Variants in CDH7 observed in about 807,000 individuals in gnomAD.
CDH7 encodes cadherin 7, also known as cadherin-7.
Under a neutral mutation model 71.8 loss-of-function variants are expected in CDH7, and 25 were observed. The observed-to-expected ratio is 0.35, with a 90% CI of 0.25 to 0.49. The LOEUF (loss-of-function observed/expected upper bound fraction) is 0.49, where lower values mean the gene tolerates loss of function less well. Among genes scored for constraint, CDH7 ranks in the 20% least tolerant of loss-of-function variants. The probability of loss-of-function intolerance (pLI) is 0.99; values close to 1 mark genes in which losing one functional copy is unlikely to be tolerated. For missense variants in CDH7, 862 were observed against 974.6 expected, an observed-to-expected ratio of 0.88 and a Z score of 1.54; for synonymous variants, 381 against 363.8, an observed-to-expected ratio of 1.05 and a Z score of -0.54.
Position 65,880,930 on chromosome 18 carries a change from A to G in CDH7, c.*36A>G. ...TTAATTCGAAATGTACTGAAGAAAAAGTAACAGCAAAAAATAAAATAAAAT... is the reference window on the plus strand; with the variant it reads ...TTAATTCGAAATGTACTGAAGAAAAGGTAACAGCAAAAAATAAAATAAAAT... On this transcript the variant is annotated 3_prime_UTR_variant, in exon 12 of 12. Coordinates refer to ENST00000397968, the MANE Select transcript of CDH7 (RefSeq NM_004361.5). 6.5e-7 allele frequency: 1 copy of G among 1,531,434 alleles called. No individual in the cohort carries two copies. The highest frequency in any genetic ancestry group is 8.8e-7 in the Non-Finnish European group (1 of 1,141,624). 94.9% of individuals were successfully genotyped at this position (1,531,434 alleles called of 1,614,324 possible).
At chr18:65,859,947 A>G (rs1037589371) in intron 10 of CDH7, 122 bp downstream of exon 10, 3 of 613,182 alleles carry the variant, frequency 4.9e-6, no homozygotes, top group African/African-American at 3.7e-5. Flanking sequence ...TTAAAGGGCA[A>G]TGAGCACCTC....
chr18:65,864,725 A>G (rs955937238), intron 11 of CDH7, among the ~76,000 whole-genome samples: 12 of 151,172 alleles, frequency 7.9e-5, no homozygotes, highest in Non-Finnish European at 1.5e-4. Flanking sequence ...TGTCTCTACT[A>G]AAAATACAAA....
chr18:65,791,424 A>G (rs1228768898), intron 2 of CDH7, among the ~76,000 whole-genome samples: 1 of 152,132 alleles, frequency 6.6e-6, no homozygotes, highest in Admixed American at 6.5e-5. Flanking sequence ...GTTTTACATT[A>G]TTTCACTGGA....
Position 65,809,985 on chromosome 18 carries a change from A to G in CDH7, c.492A>G (p.Glu164=), listed in dbSNP as rs1911473228. The change falls in exon 3 of 12, where the codon GAA becomes GAG. Residue 164 remains glutamate (E), a synonymous_variant. Coordinates refer to ENST00000397968, the MANE Select transcript of CDH7 (RefSeq NM_004361.5). ...GCCCATACACGGCAGGAGTTCCCGA[A>G]ATGTCTCCCGTGGGTAAGTAAAGAA... ...LDGPYTAGVP[E]MSPVGTSVVQ... 1.9e-6 allele frequency: 3 copies of G among 1,610,174 alleles called. No individual in the cohort carries two copies. In the East Asian group the frequency reaches 6.7e-5, roughly 36 times the overall value.
intron 2 of CDH7, among the ~76,000 whole-genome samples, chr18:65,784,111 C>CAATTT (rs2143841298): frequency 1.1e-5 from 1 of 91,816 alleles, no homozygotes; most frequent in Non-Finnish European, 2.2e-5. Flanking sequence ...CCACCCACAG[C>CAATTT]TATTTTTTTT....
chr18:65,751,887 G>C (rs1915891231), intron 1 of CDH7, among the ~76,000 whole-genome samples: 1 of 152,098 alleles, frequency 6.6e-6, no homozygotes, highest in African/African-American at 2.4e-5. Flanking sequence ...GAAAAGACCC[G>C]TTATTCTGTA....
rs116259956 is a variant in CDH7, at chr18:65,873,009, G to T, written c.1865-7392G>T. Reference sequence around the variant, plus strand: ...AAAAAATTACTAAAACTTAATTAGTGCCCAGTAGAAAAAGAAGACAGATTT... The same window carrying T: ...AAAAAATTACTAAAACTTAATTAGTTCCCAGTAGAAAAAGAAGACAGATTT... On this transcript the variant is annotated intron_variant, in intron 11 of 11. Transcript: ENST00000397968. Among the ~76,000 whole-genome samples the T allele has an allele frequency of 4.4e-3, 664 of 151,992 alleles. 6 individuals are homozygous for T. The highest frequency in any genetic ancestry group is 0.015 in the African/African-American group (642 of 41,506).
At chr18:65,825,690 A>G (rs1912104289) in intron 6 of CDH7, among the ~76,000 whole-genome samples, 1 of 151,844 alleles carries the variant, frequency 6.6e-6, no homozygotes. Flanking sequence ...AATAATTAGC[A>G]CATATCAATA....
intron 11 of CDH7, among the ~76,000 whole-genome samples, chr18:65,868,681 A>G (rs1223077462): frequency 2.6e-5 from 4 of 152,184 alleles, no homozygotes; most frequent in Admixed American, 6.5e-5. Flanking sequence ...CATGTTTAGA[A>G]GAGTGTGTGT....
At chr18:65,752,060 C>T (rs565990115) in intron 1 of CDH7, among the ~76,000 whole-genome samples, 222 of 152,300 alleles carry the variant, frequency 1.5e-3, no homozygotes, top group Non-Finnish European at 2.7e-3. Flanking sequence ...GCAAATTGAA[C>T]GAGGAATGTA....
intron 2 of CDH7, among the ~76,000 whole-genome samples, chr18:65,767,625 C>T (rs974552169): frequency 1.3e-5 from 2 of 152,036 alleles, no homozygotes; most frequent in Non-Finnish European, 2.9e-5. Flanking sequence ...TGAGTAGAAA[C>T]CCCATTTTCA....
chr18:65,846,944 A>G (rs1423168838), intron 7 of CDH7, among the ~76,000 whole-genome samples: 1 of 152,150 alleles, frequency 6.6e-6, no homozygotes, highest in Non-Finnish European at 1.5e-5. Context: ...TGCCATTTTA[A>G]TTCTGAGATT....
intron 7 of CDH7, among the ~76,000 whole-genome samples, chr18:65,856,284 A>G (rs147184384): frequency 4.4e-4 from 67 of 152,338 alleles, no homozygotes; most frequent in African/African-American, 1.6e-3. Context: ...TATTATTATT[A>G]TGGTTTGATG....
intron 6 of CDH7, among the ~76,000 whole-genome samples, chr18:65,832,570 A>G (rs1054636006): frequency 6.6e-6 from 1 of 152,016 alleles, no homozygotes. Context: ...TTAAATATAA[A>G]AATGATGATG....
intron 1 of CDH7, among the ~76,000 whole-genome samples, chr18:65,757,595 T>C (rs1017146207): frequency 2.6e-5 from 4 of 151,796 alleles, no homozygotes; most frequent in South Asian, 4.2e-4. Flanking sequence ...TCTTCCTCAA[T>C]TTTTTTTCCG....
intron 6 of CDH7, among the ~76,000 whole-genome samples, chr18:65,825,767 T>A (rs1305391260): frequency 6.6e-6 from 1 of 152,010 alleles, no homozygotes; most frequent in Non-Finnish European, 1.5e-5. Flanking sequence ...AGAAAAACAT[T>A]TCTGCAATTA....
intron 7 of CDH7, among the ~76,000 whole-genome samples, chr18:65,854,514 A>AT (rs5825654): frequency 0.53 from 80,760 of 151,556 alleles, 25,171 homozygotes; most frequent in East Asian, 0.92. Flanking sequence ...CTCAACTTTA[A>AT]TTTTTTTTAT....
intron 6 of CDH7, among the ~76,000 whole-genome samples, chr18:65,831,952 A>G (rs1912366088): frequency 6.6e-6 from 1 of 152,164 alleles, no homozygotes; most frequent in African/African-American, 2.4e-5. Context: ...TCTCCGCATA[A>G]GAAAACATTT....
At chr18:65,849,616 T>A (rs1433423574) in intron 7 of CDH7, among the ~76,000 whole-genome samples, 1 of 151,636 alleles carries the variant, frequency 6.6e-6, no homozygotes, top group East Asian at 2.0e-4. Flanking sequence ...TCTCACCATG[T>A]TGGCCAGGCT....
Sources: gnomAD v4.1 joint callset for allele counts (sites outside exome capture counted in the v4.1 genomes callset) on GRCh38, gnomAD v4.1.1 for gene constraint, MANE v1.5 for transcripts, NCBI Gene and HGNC (gene_info 2026-07-23, HGNC 2026-07-21) for gene names.